Variants in CSTPP1 observed in about 807,000 individuals in gnomAD.
CSTPP1 encodes UPF0705 protein C11orf49.
the CSTPP1 span, among the ~76,000 whole-genome samples, chr11:47,116,473 G>T: frequency 1.3e-5 from 2 of 152,020 alleles, no homozygotes; most frequent in Non-Finnish European, 2.9e-5. Context: ...AGGTCTCTAA[G>T]GACTTGCTAT....
chr11:47,113,071 A>G, the CSTPP1 span, among the ~76,000 whole-genome samples: 1 of 152,162 alleles, frequency 6.6e-6, no homozygotes, highest in Non-Finnish European at 1.5e-5. Flanking sequence ...ATTCCCACCT[A>G]TGAGTGAGAA....
At chr11:46,980,751 C>T in the CSTPP1 span, among the ~76,000 whole-genome samples, 1 of 151,782 alleles carries the variant, frequency 6.6e-6, no homozygotes, top group Non-Finnish European at 1.5e-5. Context: ...GAATTATCTA[C>T]AAGTCAAGAA....
chr11:46,954,900 T>C, the CSTPP1 span, among the ~76,000 whole-genome samples: 3 of 150,718 alleles, frequency 2.0e-5, no homozygotes, highest in East Asian at 5.9e-4. Context: ...TGTTAAAAAA[T>C]GATGAGAAAA....
the CSTPP1 span, among the ~76,000 whole-genome samples, chr11:47,076,524 T>C: frequency 6.6e-6 from 1 of 152,128 alleles, no homozygotes; most frequent in Admixed American, 6.6e-5. Flanking sequence ...AAGTCTCTAA[T>C]ATGATAGCCA....
At chr11:47,163,455 C>T in the CSTPP1 span, among the ~76,000 whole-genome samples, 1 of 152,180 alleles carries the variant, frequency 6.6e-6, no homozygotes, top group Non-Finnish European at 1.5e-5. Flanking sequence ...CCTTTCTAAT[C>T]ATCCACTTCC....
chr11:47,137,785 A>C, the CSTPP1 span: 10 of 1,537,790 alleles, frequency 6.5e-6, no homozygotes, highest in African/African-American at 1.2e-4. Flanking sequence ...ACTGCTTCCT[A>C]GAGAAACCTG....
chr11:47,044,866 G>T, the CSTPP1 span, among the ~76,000 whole-genome samples: 1 of 152,266 alleles, frequency 6.6e-6, no homozygotes, highest in East Asian at 1.9e-4. Context: ...CTATGGTCAT[G>T]CTACTGCACT....
the CSTPP1 span, among the ~76,000 whole-genome samples, chr11:47,020,379 T>C: frequency 6.6e-6 from 1 of 152,234 alleles, no homozygotes; most frequent in African/African-American, 2.4e-5. Context: ...ATTTGGTTTT[T>C]TCTTAGGAAT....
the CSTPP1 span, among the ~76,000 whole-genome samples, chr11:47,092,235 C>G: frequency 6.6e-6 from 1 of 152,148 alleles, no homozygotes; most frequent in East Asian, 1.9e-4. Flanking sequence ...TCCCATATCC[C>G]AGCCTTTCCA....
At chr11:47,012,610 G>T in the CSTPP1 span, among the ~76,000 whole-genome samples, 1 of 152,112 alleles carries the variant, frequency 6.6e-6, no homozygotes, top group Non-Finnish European at 1.5e-5. Context: ...TTTATTATTT[G>T]CTTTGTAAAT....
At chr11:47,086,956 A>G in the CSTPP1 span, among the ~76,000 whole-genome samples, 1 of 152,210 alleles carries the variant, frequency 6.6e-6, no homozygotes, top group Admixed American at 6.5e-5. Flanking sequence ...AGCTATATTT[A>G]GTATATTTGT....
chr11:47,014,894 G>C, the CSTPP1 span, among the ~76,000 whole-genome samples: 1 of 152,022 alleles, frequency 6.6e-6, no homozygotes, highest in Non-Finnish European at 1.5e-5. Context: ...ATAGATACCA[G>C]AAAAACAGTA....
chr11:47,108,379 G>A, the CSTPP1 span, among the ~76,000 whole-genome samples: 1 of 152,202 alleles, frequency 6.6e-6, no homozygotes, highest in East Asian at 1.9e-4. Context: ...TATATACAGT[G>A]AGACTAAGAT....
the CSTPP1 span, chr11:47,160,014 C>T: frequency 7.5e-6 from 2 of 264,942 alleles, no homozygotes; most frequent in Admixed American, 1.0e-4. Context: ...AATAAATAAA[C>T]ACTAATAGCC....
chr11:47,111,094 G>A, the CSTPP1 span, among the ~76,000 whole-genome samples: 2 of 151,930 alleles, frequency 1.3e-5, no homozygotes, highest in African/African-American at 4.8e-5. Context: ...GGGTTTTACT[G>A]TGTTAGCCAG....
At chr11:47,109,164 A>C in the CSTPP1 span, 1 of 152,124 alleles carries the variant, frequency 6.6e-6, no homozygotes. Context: ...TTATCTTCAA[A>C]AGACAGGCCC....
chr11:47,090,268 A>G, the CSTPP1 span, among the ~76,000 whole-genome samples: 3 of 152,204 alleles, frequency 2.0e-5, no homozygotes, highest in Non-Finnish European at 4.4e-5. Context: ...TACAGGCGTG[A>G]GCCACTGCAC....
chr11:46,945,187 G>GT, the CSTPP1 span, among the ~76,000 whole-genome samples: 2 of 152,148 alleles, frequency 1.3e-5, no homozygotes, highest in Non-Finnish European at 2.9e-5. Context: ...GCTGTTTACA[G>GT]TAAGTTAGCA....
chr11:47,050,159 T>C, the CSTPP1 span, among the ~76,000 whole-genome samples: 1 of 152,098 alleles, frequency 6.6e-6, no homozygotes, highest in Non-Finnish European at 1.5e-5. Flanking sequence ...GGTATTGCAA[T>C]ATTATAATAA....
Sources: gnomAD v4.1 joint callset for allele counts (sites outside exome capture counted in the v4.1 genomes callset) on GRCh38, gnomAD v4.1.1 for gene constraint, MANE v1.5 for transcripts, NCBI Gene and HGNC (gene_info 2026-07-23, HGNC 2026-07-21) for gene names.